The following ESRRG variants were observed in gnomAD, a reference collection of about 807,000 sequenced individuals.
The protein encoded by ESRRG is estrogen related receptor gamma.
A neutral mutation model predicts 44.0 loss-of-function variants in ESRRG; 13 were observed. The observed-to-expected ratio is 0.30, with a 90% CI of 0.19 to 0.47. The LOEUF (loss-of-function observed/expected upper bound fraction) is 0.47. Among genes scored for constraint, ESRRG ranks in the 20% least tolerant of loss-of-function variants. The probability of loss-of-function intolerance (pLI) is 1.00; values close to 1 mark genes in which losing one functional copy is unlikely to be tolerated. For synonymous variants in ESRRG, 215 were observed against 214.6 expected (o/e 1.00, Z -0.02); for missense variants, 395 against 580.6 (o/e 0.68, Z 3.29).
intron 2 of ESRRG, among the ~76,000 whole-genome samples, chr1:216,786,662 A>G (rs2094137507): frequency 6.6e-6 from 1 of 152,172 alleles, no homozygotes; most frequent in Non-Finnish European, 1.5e-5. Flanking sequence ...TAAAGCAAAT[A>G]ACAGAATGCG....
intron 3 of ESRRG, among the ~76,000 whole-genome samples, chr1:216,626,345 C>T (rs1498284): frequency 6.6e-6 from 1 of 152,028 alleles, no homozygotes; most frequent in Non-Finnish European, 1.5e-5. Context: ...CCTGAACTCA[C>T]TTCCCATCTT....
chr1:216,786,237 C>G (rs1469711720), intron 2 of ESRRG, among the ~76,000 whole-genome samples: 1 of 152,030 alleles, frequency 6.6e-6, no homozygotes, highest in Non-Finnish European at 1.5e-5. Flanking sequence ...GGATGAAGAC[C>G]TGCAATAGAC....
chr1:216,702,608 C>CAAAAAAAA (rs61361041), intron 1 of ESRRG, among the ~76,000 whole-genome samples: 1 of 132,352 alleles, frequency 7.6e-6, no homozygotes, highest in Non-Finnish European at 1.6e-5. Flanking sequence ...ACTAAAAATA[C>CAAAAAAAA]AAAAAAAAAA....
intron 2 of ESRRG, among the ~76,000 whole-genome samples, chr1:216,843,215 T>G (rs986814730): frequency 6.6e-6 from 1 of 151,870 alleles, no homozygotes; most frequent in Non-Finnish European, 1.5e-5. Context: ...CAAATTTTGT[T>G]TTTTTTTAAT....
intron 2 of ESRRG, among the ~76,000 whole-genome samples, chr1:216,660,131 C>T (rs1368930043): frequency 6.6e-6 from 1 of 152,072 alleles, no homozygotes; most frequent in Non-Finnish European, 1.5e-5. Flanking sequence ...GCTTCAGCCC[C>T]CTTGTTTTAT....
At chr1:216,856,685 C>T (rs2095947723) in intron 2 of ESRRG, among the ~76,000 whole-genome samples, 1 of 152,172 alleles carries the variant, frequency 6.6e-6, no homozygotes, top group Non-Finnish European at 1.5e-5. Context: ...GAGTATATTA[C>T]TTCAGTTTTC....
chr1:216,994,023 G>A (rs1477840374), intron 1 of ESRRG, among the ~76,000 whole-genome samples: 3 of 151,992 alleles, frequency 2.0e-5, no homozygotes, highest in Admixed American at 6.6e-5. Flanking sequence ...TTTCATTCTC[G>A]TTTTACTCCT....
intron 3 of ESRRG, among the ~76,000 whole-genome samples, chr1:216,646,989 C>T (rs2067739401): frequency 6.6e-6 from 1 of 152,086 alleles, no homozygotes; most frequent in Non-Finnish European, 1.5e-5. Flanking sequence ...ATCCTTTGAT[C>T]AGTGAATTCT....
chr1:216,790,344 T>C (rs77343328), intron 2 of ESRRG, among the ~76,000 whole-genome samples: 4,911 of 152,234 alleles, frequency 0.032, 211 homozygotes, highest in East Asian at 0.13. Flanking sequence ...TTGAGCCCAT[T>C]CCCCATCTGT....
chr1:216,979,572 A>T (rs1265174922), intron 1 of ESRRG, among the ~76,000 whole-genome samples: 1 of 152,098 alleles, frequency 6.6e-6, no homozygotes, highest in East Asian at 1.9e-4. Flanking sequence ...TGATTTCAAA[A>T]TCCAGGATCA....
chr1:216,564,405 C>T (rs2059314296), intron 4 of ESRRG, 25 bp from the exon 5 acceptor site: 2 of 1,578,490 alleles, frequency 1.3e-6, no homozygotes, highest in East Asian at 2.3e-5. Context: ...CAGAGCACTA[C>T]AAGATCACTA....
At chr1:216,801,190 G>C (rs1460514257) in intron 2 of ESRRG, among the ~76,000 whole-genome samples, 1 of 152,112 alleles carries the variant, frequency 6.6e-6, no homozygotes, top group African/African-American at 2.4e-5. Context: ...TTATAAATTA[G>C]ATGTCTAGAC....
intron 1 of ESRRG, among the ~76,000 whole-genome samples, chr1:216,965,577 C>T (rs2150225724): frequency 6.6e-6 from 1 of 152,238 alleles, no homozygotes; most frequent in Admixed American, 6.5e-5. Flanking sequence ...TCTAGGAATT[C>T]CCTACTCAAG....
intron 2 of ESRRG, among the ~76,000 whole-genome samples, chr1:216,758,481 G>T (rs781279725): frequency 3.3e-5 from 5 of 151,958 alleles, no homozygotes; most frequent in African/African-American, 4.8e-5. Context: ...GTTCAGAGCA[G>T]GGATTTCTTT....
intron 2 of ESRRG, among the ~76,000 whole-genome samples, chr1:216,738,500 G>A (rs775005298): frequency 2.6e-4 from 40 of 151,974 alleles, no homozygotes; most frequent in Non-Finnish European, 5.0e-4. Context: ...CAAAATCTGT[G>A]GTATCATAAG....
At chr1:216,741,082 C>T (rs935009631) in intron 2 of ESRRG, among the ~76,000 whole-genome samples, 1 of 151,294 alleles carries the variant, frequency 6.6e-6, no homozygotes, top group Non-Finnish European at 1.5e-5. Context: ...CCCCCGTCCC[C>T]ATATGGGAAG....
At chr1:216,777,582 GT>G (rs1277572818) in intron 2 of ESRRG, among the ~76,000 whole-genome samples, 2 of 152,142 alleles carry the variant, frequency 1.3e-5, no homozygotes, top group African/African-American at 4.8e-5. Flanking sequence ...CTAAGTCTGA[GT>G]TTTGATTCAA....
intron 2 of ESRRG, among the ~76,000 whole-genome samples, chr1:216,764,419 C>G (rs993795730): frequency 4.6e-5 from 7 of 152,046 alleles, no homozygotes; most frequent in African/African-American, 1.7e-4. Flanking sequence ...TAGGTGCACA[C>G]CACCATGCCT....
intron 2 of ESRRG, among the ~76,000 whole-genome samples, chr1:216,936,969 C>T (rs1008483946): frequency 5.3e-5 from 8 of 152,118 alleles, no homozygotes; most frequent in Non-Finnish European, 1.2e-4. Context: ...GAGGCATTCT[C>T]AAGCCATCCT....
Sources: allele counts gnomAD v4.1 joint callset (sites outside exome capture counted in the v4.1 genomes callset), GRCh38; gene constraint gnomAD v4.1.1; transcripts MANE v1.5; gene names NCBI Gene and HGNC (gene_info 2026-07-23, HGNC 2026-07-21).